Variants in MALRD1 observed in about 807,000 individuals in gnomAD.
The protein encoded by MALRD1 is MAM and LDL receptor class A domain containing 1, also known as MAM and LDL-receptor class A domain-containing protein 1.
Under a neutral mutation model 242.1 loss-of-function variants are expected in MALRD1, and 247 were observed. That is an observed-to-expected ratio of 1.02 (90% confidence interval 0.92 to 1.13). The LOEUF (loss-of-function observed/expected upper bound fraction) is 1.13. MALRD1 is among the 50% of genes most tolerant of loss of function. The pLI is 0.00. For synonymous variants in MALRD1, 995 were observed against 866.6 expected (o/e 1.15, Z -2.60); for missense variants, 2,989 against 2,533.1 (o/e 1.18, Z -3.86).
At chr10:19,325,466 G>A (rs994260762) in intron 22 of MALRD1, among the ~76,000 whole-genome samples, 26 of 150,456 alleles carry the variant, frequency 1.7e-4, no homozygotes, top group Middle Eastern at 3.4e-3. Flanking sequence ...GAAGAGTTCT[G>A]GAATATTAAT....
At chr10:19,438,444 A>G (rs1476237139) in intron 28 of MALRD1, among the ~76,000 whole-genome samples, 3 of 152,150 alleles carry the variant, frequency 2.0e-5, no homozygotes, top group Non-Finnish European at 4.4e-5. Flanking sequence ...ATATTTTGCT[A>G]TTGCAAATAA....
chr10:19,547,470 T>TA (rs1007822553), intron 32 of MALRD1, among the ~76,000 whole-genome samples: 17 of 151,066 alleles, frequency 1.1e-4, no homozygotes, highest in African/African-American at 2.4e-4. Context: ...AGCAATGCTT[T>TA]AAAAAAAAAT....
intron 26 of MALRD1, among the ~76,000 whole-genome samples, chr10:19,382,311 T>A (rs1488934115): frequency 6.6e-6 from 1 of 151,870 alleles, no homozygotes; most frequent in Non-Finnish European, 1.5e-5. Flanking sequence ...ATGCATGGGA[T>A]GACATCTGAT....
chr10:19,352,007 T>G lies in MALRD1; in HGVS notation c.4151T>G (p.Ile1384Ser), dbSNP rs1844397811. The change falls in exon 26 of 40, where the codon ATT (isoleucine) becomes AGT (serine). Residue 1384 changes from isoleucine (I) to serine (S), a missense_variant and splice_region_variant. By Grantham distance (142) the Ile-to-Ser change is moderately radical. Transcript: ENST00000454679. ...VISKRSKNCKIIFHYHMYGNG... is the reference protein window; with the variant it reads ...VISKRSKNCKSIFHYHMYGNG... ...TAATATTCCTATTCTTGATTACAGA[T>G]TATTTTTCATTATCACATGTATGGA... The G allele has an allele frequency of 1.3e-6, 2 of 1,543,360 alleles. No individual in the cohort carries two copies. The highest frequency in any genetic ancestry group is 2.0e-5 in the Admixed American group (1 of 50,850).
chr10:19,331,509 C>G lies in MALRD1; in HGVS notation c.3828C>G (p.Cys1276Trp). 1 of 1,550,284 alleles carries G rather than the reference C, an allele frequency of 6.5e-7. No individual in the cohort carries two copies. The highest frequency in any genetic ancestry group is 1.2e-5 in the South Asian group (1 of 84,056). ...AATTCATGTGTGCTAATAAGCACTG[C>G]ATTGCCAAAGACAAGCTGTGTGATT... Reference protein sequence around the residue: ...DHEFMCANKHCIAKDKLCDFV... With the variant: ...DHEFMCANKHWIAKDKLCDFV... The change falls in exon 24 of 40, where the codon TGC (cysteine) becomes TGG (tryptophan). Residue 1276 changes from cysteine to tryptophan, a missense_variant. Physicochemically the swap from Cys to Trp is radical, Grantham distance 215. Transcript: ENST00000454679.
chr10:19,387,437 G>C (rs569261703), intron 26 of MALRD1, 91 bp from the exon 27 acceptor site: 443 of 1,402,854 alleles, frequency 3.2e-4, no homozygotes, highest in Non-Finnish European at 4.0e-4. Context: ...TTCCTTTATA[G>C]ATTAAAATGA....
chr10:19,298,624 G>A (rs1280267302), intron 21 of MALRD1, among the ~76,000 whole-genome samples: 2 of 151,978 alleles, frequency 1.3e-5, no homozygotes, highest in Non-Finnish European at 2.9e-5. Flanking sequence ...GTGGAACCTT[G>A]GAGAGTGCCT....
chr10:19,704,821 CAA>C (rs1185058134), intron 38 of MALRD1, among the ~76,000 whole-genome samples: 1 of 152,032 alleles, frequency 6.6e-6, no homozygotes, highest in Non-Finnish European at 1.5e-5. Flanking sequence ...AAAGAATGAT[CAA>C]GAGAATGATG....
intron 38 of MALRD1, among the ~76,000 whole-genome samples, chr10:19,703,737 A>G (rs1833724874): frequency 6.6e-6 from 1 of 152,256 alleles, no homozygotes; most frequent in African/African-American, 2.4e-5. Context: ...TCTACTAAAA[A>G]TACAAAAATT....
In MALRD1 at chr10:19,389,459, C is replaced by G. The variant is rs1211261653; in HGVS notation, c.4695C>G (p.Phe1565Leu). 6 of 1,550,058 alleles carry G rather than the reference C, an allele frequency of 3.9e-6. No homozygotes were observed. The highest frequency in any genetic ancestry group is 5.2e-6 in the Non-Finnish European group (6 of 1,146,806). ...TTCTGTCCTTGTTCCTAGGGCACTTCATGTATCTGGAAGCTACTGCAGTGG... is the reference window on the plus strand; with the variant it reads ...TTCTGTCCTTGTTCCTAGGGCACTTGATGTATCTGGAAGCTACTGCAGTGG... ...DHTLGNENGHFMYLEATAVGL... is the reference protein window; with the variant it reads ...DHTLGNENGHLMYLEATAVGL... Residue 1565 changes from phenylalanine to leucine, a missense_variant, in exon 28 of 40, where the codon TTC becomes TTG. Coordinates refer to ENST00000454679, the MANE Select transcript of MALRD1 (RefSeq NM_001142308.3).
At chr10:19,150,722 T>C (rs966201468) in intron 11 of MALRD1, among the ~76,000 whole-genome samples, 1 of 152,234 alleles carries the variant, frequency 6.6e-6, no homozygotes, top group African/African-American at 2.4e-5. Context: ...ATATGCTTTT[T>C]TTCTAATATT....
intron 29 of MALRD1, among the ~76,000 whole-genome samples, chr10:19,490,831 A>G (rs1477786854): frequency 6.6e-6 from 1 of 152,180 alleles, no homozygotes; most frequent in Non-Finnish European, 1.5e-5. Context: ...AACACTGTCC[A>G]TACTTTTTCA....
intron 38 of MALRD1, among the ~76,000 whole-genome samples, chr10:19,698,490 C>A (rs914717461): frequency 1.3e-5 from 2 of 152,140 alleles, no homozygotes; most frequent in African/African-American, 4.8e-5. Context: ...TACTAGGAGG[C>A]AACTGGAAAG....
At chr10:19,390,462 A>G (rs1205635696) in intron 28 of MALRD1, among the ~76,000 whole-genome samples, 1 of 152,226 alleles carries the variant, frequency 6.6e-6, no homozygotes, top group Non-Finnish European at 1.5e-5. Context: ...AATTTAGTAT[A>G]ACAAAGTGAC....
At chr10:19,147,523 T>G (rs1326047039) in intron 11 of MALRD1, among the ~76,000 whole-genome samples, 6 of 152,370 alleles carry the variant, frequency 3.9e-5, no homozygotes, top group African/African-American at 1.4e-4. Context: ...ATTGTAACTA[T>G]GTATTAACAA....
At chr10:19,481,626 T>C (rs972362078) in intron 29 of MALRD1, among the ~76,000 whole-genome samples, 2 of 152,158 alleles carry the variant, frequency 1.3e-5, no homozygotes, top group African/African-American at 4.8e-5. Context: ...TATGTAAATA[T>C]GAATCTTCTA....
intron 32 of MALRD1, among the ~76,000 whole-genome samples, chr10:19,558,553 G>A (rs1262085471): frequency 1.3e-5 from 2 of 152,120 alleles, no homozygotes; most frequent in Non-Finnish European, 2.9e-5. Flanking sequence ...ATTTTCCAAT[G>A]TTTACTGGCC....
intron 28 of MALRD1, among the ~76,000 whole-genome samples, chr10:19,410,634 C>T (rs1833237871): frequency 6.6e-6 from 1 of 150,978 alleles, no homozygotes; most frequent in Non-Finnish European, 1.5e-5. Flanking sequence ...TCCTTCCTCC[C>T]TCCCTCCCCT....
intron 18 of MALRD1, among the ~76,000 whole-genome samples, chr10:19,238,464 A>G (rs1479473334): frequency 1.9e-4 from 5 of 27,012 alleles, no homozygotes; most frequent in East Asian, 3.4e-3. Flanking sequence ...ATAATATATA[A>G]TATAATATAT....
Sources: allele counts gnomAD v4.1 joint callset (sites outside exome capture counted in the v4.1 genomes callset), GRCh38; gene constraint gnomAD v4.1.1; transcripts MANE v1.5; gene names NCBI Gene and HGNC (gene_info 2026-07-23, HGNC 2026-07-21).